Variants in EVI5 observed in about 807,000 individuals in gnomAD.
EVI5 encodes the protein ecotropic viral integration site 5 protein homolog.
A neutral mutation model predicts 112.0 loss-of-function variants in EVI5; 73 were observed. That is an observed-to-expected ratio of 0.65 (90% CI 0.54 to 0.79). The LOEUF (loss-of-function observed/expected upper bound fraction) is 0.79, where lower values mean the gene tolerates loss of function less well. EVI5 is among the 30% of genes least tolerant of loss of function. The pLI is 0.00. For synonymous variants in EVI5, 305 were observed against 319.9 expected (o/e 0.95, Z 0.50); for missense variants, 900 against 968.8 (o/e 0.93, Z 0.94).
intron 3 of EVI5, 46 bp downstream of exon 3, chr1:92,704,509 C>T (rs201165895): frequency 4.9e-6 from 6 of 1,213,228 alleles, no homozygotes; most frequent in East Asian, 4.9e-5. Context: ...TTATGTCTGA[C>T]GCACTATGGA....
At chr1:92,737,736 C>T (rs775652689) in intron 1 of EVI5, among the ~76,000 whole-genome samples, 1 of 152,134 alleles carries the variant, frequency 6.6e-6, no homozygotes, top group Admixed American at 6.5e-5. Context: ...CCACTTCCTC[C>T]ACTTCAATTT....
chr1:92,632,409 G>A (rs914326817), intron 14 of EVI5, among the ~76,000 whole-genome samples: 10 of 152,070 alleles, frequency 6.6e-5, no homozygotes, highest in African/African-American at 2.2e-4. Context: ...TTTAGTCTTG[G>A]GAAGGTGTAT....
chr1:92,759,765 T>C (rs1480180115), intron 1 of EVI5, among the ~76,000 whole-genome samples: 3 of 152,192 alleles, frequency 2.0e-5, no homozygotes, highest in African/African-American at 7.2e-5. Context: ...CTTAGCATAA[T>C]GTTTTCAAGG....
At chr1:92,608,933 T>G (rs1007499344) in intron 16 of EVI5, among the ~76,000 whole-genome samples, 1 of 152,196 alleles carries the variant, frequency 6.6e-6, no homozygotes, top group African/African-American at 2.4e-5. Flanking sequence ...GCATATAAAA[T>G]AGTTTCTATT....
intron 2 of EVI5, among the ~76,000 whole-genome samples, chr1:92,710,323 G>C (rs1340167681): frequency 2.0e-5 from 3 of 152,048 alleles, no homozygotes; most frequent in African/African-American, 7.2e-5. Flanking sequence ...ACTCTAGCCA[G>C]GGTGACAGAG....
At chr1:92,750,717 A>T (rs1680045463) in intron 1 of EVI5, among the ~76,000 whole-genome samples, 1 of 150,250 alleles carries the variant, frequency 6.7e-6, no homozygotes, top group South Asian at 2.1e-4. Flanking sequence ...TTATGACCAG[A>T]AAAAAAAAAG....
Position 92,686,200 on chromosome 1 carries a change from T to C in EVI5, c.1097+7602A>G, listed in dbSNP as rs188145190. Among the ~76,000 whole-genome samples, 295 of 152,302 alleles carry C rather than the reference T, an allele frequency of 1.9e-3. 2 individuals carry two copies. The highest frequency in any genetic ancestry group is 3.3e-3 in the Non-Finnish European group (224 of 68,022). Reference sequence around the variant, plus strand: ...AGCACATCAAAAAGCTTATCCACCATGATCAAGTTGGCTTCATCCCTGGGA... The same window carrying C: ...AGCACATCAAAAAGCTTATCCACCACGATCAAGTTGGCTTCATCCCTGGGA... On this transcript the variant is annotated intron_variant, in intron 9 of 19. Transcript: ENST00000684568.
chr1:92,659,074 C>G (rs1663522701), intron 13 of EVI5, among the ~76,000 whole-genome samples: 1 of 145,536 alleles, frequency 6.9e-6, no homozygotes, highest in South Asian at 2.1e-4. Context: ...ACAAAATTAA[C>G]TCAAGATGGA....
rs1234039580 is a variant in EVI5, at chr1:92,638,475, A to T, written c.1393-2139T>A. Among the ~76,000 whole-genome samples the T allele has an allele frequency of 2.0e-5, 3 of 152,318 alleles. No homozygotes were observed. In the East Asian group the frequency reaches 5.8e-4, roughly 29 times the overall value. On this transcript the variant is annotated intron_variant, in intron 13 of 19. Transcript: ENST00000684568. ...GATGGTGGCCAATTAACATACTGCA[A>T]ATTACACAGTGTCTAAGGAAAAGAT...
At chr1:92,529,711 A>G (rs1440182232) in intron 19 of EVI5, among the ~76,000 whole-genome samples, 5 of 152,306 alleles carry the variant, frequency 3.3e-5, no homozygotes, top group African/African-American at 1.2e-4. Flanking sequence ...CCCTAATCCA[A>G]TAACAAAATA....
At chr1:92,642,063 G>A (rs1430676611) in intron 13 of EVI5, among the ~76,000 whole-genome samples, 1 of 152,084 alleles carries the variant, frequency 6.6e-6, no homozygotes, top group Non-Finnish European at 1.5e-5. Flanking sequence ...CCCAAGAGGT[G>A]GAGGTTGCCG....
At chr1:92,633,980 C>G (rs879151336) in intron 14 of EVI5, among the ~76,000 whole-genome samples, 1 of 152,164 alleles carries the variant, frequency 6.6e-6, no homozygotes, top group Admixed American at 6.5e-5. Context: ...GTTGAAAATT[C>G]TTTTCTTTAA....
intron 1 of EVI5, among the ~76,000 whole-genome samples, chr1:92,754,041 A>C (rs1680562647): frequency 6.6e-6 from 1 of 152,242 alleles, no homozygotes; most frequent in African/African-American, 2.4e-5. Context: ...AGTAAAAGCC[A>C]CATGCCATAA....
At chr1:92,620,054 A>T (rs760444670) in intron 16 of EVI5, among the ~76,000 whole-genome samples, 1 of 152,150 alleles carries the variant, frequency 6.6e-6, no homozygotes, top group Non-Finnish European at 1.5e-5. Context: ...TGAAGAAATA[A>T]CAACCAAGGG....
At chr1:92,551,040 C>CTTTTTTTTTTTTTTTTTTTTT (rs55898086) in intron 19 of EVI5, among the ~76,000 whole-genome samples, 30 of 80,728 alleles carry the variant, frequency 3.7e-4, no homozygotes, top group East Asian at 9.2e-4. Context: ...TTCTTTCTTT[C>CTTTTTTTTTTTTTTTTTTTTT]TTTTTTTTTT....
chr1:92,738,941 G>A (rs1318184819), intron 1 of EVI5, among the ~76,000 whole-genome samples: 1 of 151,988 alleles, frequency 6.6e-6, no homozygotes, highest in African/African-American at 2.4e-5. Context: ...CAAAGTTCCT[G>A]TCTATCTCAT....
intron 1 of EVI5, among the ~76,000 whole-genome samples, chr1:92,752,455 G>C (rs560245542): frequency 6.6e-6 from 1 of 152,136 alleles, no homozygotes; most frequent in African/African-American, 2.4e-5. Flanking sequence ...GATTACAGGC[G>C]TGAGCCACTC....
At chr1:92,579,157 T>C (rs1266383289) in intron 18 of EVI5, among the ~76,000 whole-genome samples, 1 of 152,202 alleles carries the variant, frequency 6.6e-6, no homozygotes, top group Non-Finnish European at 1.5e-5. Context: ...AAGTCAAAGT[T>C]GGGAAGCAAA....
At chr1:92,530,617 C>T (rs1662713103) in intron 19 of EVI5, among the ~76,000 whole-genome samples, 1 of 152,020 alleles carries the variant, frequency 6.6e-6, no homozygotes, top group Admixed American at 6.6e-5. Context: ...TGCTGTTCTG[C>T]AGCATCCACT....
Sources: gnomAD v4.1 joint callset for allele counts (sites outside exome capture counted in the v4.1 genomes callset) on GRCh38, gnomAD v4.1.1 for gene constraint, MANE v1.5 for transcripts, NCBI Gene and HGNC (gene_info 2026-07-23, HGNC 2026-07-21) for gene names.